Variants in WWC2 observed in about 807,000 individuals in gnomAD.
The protein encoded by WWC2 is protein WWC2.
WWC2 carries 101 observed loss-of-function variants against 138.5 expected under a neutral mutation model. The ratio of observed to expected loss-of-function variants is 0.73; its 90% CI spans 0.62 to 0.86. The LOEUF is 0.86. Among genes scored for constraint, WWC2 ranks in the 40% least tolerant of loss-of-function variants. The probability of loss-of-function intolerance (pLI) is 0.00; values close to 1 mark genes in which losing one functional copy is unlikely to be tolerated. For missense variants in WWC2, 1,420 were observed against 1,419.4 expected (o/e 1.00, Z -0.01); for synonymous variants, 558 against 538.4 (o/e 1.04, Z -0.50).
intron 21 of WWC2, among the ~76,000 whole-genome samples, chr4:183,305,360 C>CT (rs1738991415): frequency 6.6e-6 from 1 of 152,136 alleles, no homozygotes; most frequent in Non-Finnish European, 1.5e-5. Context: ...ATGACTGAGA[C>CT]TTTCTCCAAA....
intron 4 of WWC2, among the ~76,000 whole-genome samples, chr4:183,229,677 A>C (rs1736183833): frequency 6.6e-6 from 1 of 152,072 alleles, no homozygotes; most frequent in African/African-American, 2.4e-5. Flanking sequence ...AGTATCAGGC[A>C]AACCCAAATA....
At chr4:183,203,555 C>G (rs1735360470) in intron 2 of WWC2, 1 of 152,080 alleles carries the variant, frequency 6.6e-6, no homozygotes, top group African/African-American at 2.4e-5. Context: ...CTCTACACCC[C>G]TAAGAAAGGG....
chr4:183,294,066 T>C (rs926850382), intron 21 of WWC2, among the ~76,000 whole-genome samples: 1 of 152,286 alleles, frequency 6.6e-6, no homozygotes, highest in South Asian at 2.1e-4. Context: ...TATTCTAGGC[T>C]CTGGGCCATA....
intron 4 of WWC2, among the ~76,000 whole-genome samples, chr4:183,220,616 C>CTT (rs1735898463): frequency 6.6e-6 from 1 of 151,228 alleles, no homozygotes; most frequent in African/African-American, 2.4e-5. Flanking sequence ...GGGCAGATCA[C>CTT]AAGGTCAGGA....
intron 22 of WWC2, among the ~76,000 whole-genome samples, chr4:183,314,899 C>T (rs1262149923): frequency 6.6e-6 from 1 of 152,204 alleles, no homozygotes; most frequent in Non-Finnish European, 1.5e-5. Flanking sequence ...ACATCCCCAC[C>T]TCAGCTCTGG....
At chr4:183,251,623 G>A (rs1343181549) in intron 8 of WWC2, among the ~76,000 whole-genome samples, 1 of 152,022 alleles carries the variant, frequency 6.6e-6, no homozygotes, top group African/African-American at 2.4e-5. Flanking sequence ...AATAATAAAC[G>A]GGCGCCTCTT....
chr4:183,156,608 A>G (rs1733812661), intron 1 of WWC2, among the ~76,000 whole-genome samples: 1 of 152,318 alleles, frequency 6.6e-6, no homozygotes, highest in East Asian at 1.9e-4. Flanking sequence ...CTGGGATTAC[A>G]GGTGTGAGCC....
intron 14 of WWC2, among the ~76,000 whole-genome samples, chr4:183,268,718 T>C (rs1051287082): frequency 6.6e-6 from 1 of 152,178 alleles, no homozygotes; most frequent in East Asian, 1.9e-4. Flanking sequence ...TTTCCTATCA[T>C]GTGCCTTTGC....
At chr4:183,162,153 A>G (rs189067046) in intron 1 of WWC2, among the ~76,000 whole-genome samples, 28 of 148,810 alleles carry the variant, frequency 1.9e-4, no homozygotes, top group African/African-American at 6.7e-4. Flanking sequence ...TGTAAGTTAT[A>G]CAACAAAGAA....
In WWC2 at chr4:183,245,519, G is replaced by T; in HGVS notation, c.706G>T (p.Glu236Ter). ...KSIRKAISSG[E>*]KEKQDLMQSL... ...TATCAGAAAGGCAATTAGCTCAGGA[G>T]AAAAAGAAAAACAAGATCTGATGCA... The change falls in exon 6 of 23, where the codon GAA (glutamate) becomes TAA (stop). Residue 236 changes from glutamate (E) to a stop codon, truncating the protein, a stop_gained. Transcript: ENST00000403733. LOFTEE classifies it high-confidence loss of function. 1 of 1,597,302 alleles carries T rather than the reference G, an allele frequency of 6.3e-7. No homozygotes were observed. Among genetic ancestry groups the T allele is most frequent in the South Asian group, 1.1e-5 (1 of 88,334 alleles).
At chr4:183,242,959 TTAAAG>T (rs140419350) in intron 5 of WWC2, among the ~76,000 whole-genome samples, 3,067 of 152,234 alleles carry the variant, frequency 0.02, 36 homozygotes, top group Middle Eastern at 0.034. Context: ...AAGGCAGCAC[TTAAAG>T]TAGAGAAGTT....
At position 183,316,929 on chromosome 4, in the gene WWC2, A is replaced by G. The variant is rs1303677687; in HGVS notation, c.*1200A>G. 6.6e-6 allele frequency: 1 copy of G among 152,188 alleles called. No individual in the cohort carries two copies. The highest frequency in any genetic ancestry group is 1.5e-5 in the Non-Finnish European group (1 of 68,050). 9.4% of individuals were successfully genotyped at this position (152,188 alleles called of 1,614,324 possible). A position where few individuals can be genotyped will look rare whatever the true frequency, so the allele number is the denominator to read the frequency against. On this transcript the variant is annotated 3_prime_UTR_variant, in exon 23 of 23. Transcript: ENST00000403733. ...TGAACAAGTTTAGAGAGATAAACTG[A>G]CTAATGTGTCCTCCAGTTTAGAATT...
intron 1 of WWC2, among the ~76,000 whole-genome samples, chr4:183,192,399 G>A (rs763080980): frequency 1.4e-4 from 22 of 152,282 alleles, no homozygotes; most frequent in Non-Finnish European, 2.9e-4. Flanking sequence ...TGTCTGCTGA[G>A]CTGGTTTGGA....
intron 1 of WWC2, among the ~76,000 whole-genome samples, chr4:183,134,321 ATT>A (rs745325810): frequency 2.1e-5 from 3 of 143,510 alleles, no homozygotes; most frequent in Non-Finnish European, 3.1e-5. Context: ...TGATTTTACT[ATT>A]TTTTTTTTTT....
chr4:183,192,286 T>C (rs1470177582), intron 1 of WWC2, among the ~76,000 whole-genome samples: 2 of 152,258 alleles, frequency 1.3e-5, no homozygotes, highest in Non-Finnish European at 2.9e-5. Flanking sequence ...CGTGAGGTTA[T>C]ACTCACTACT....
chr4:183,248,919 A>G (rs1736884788), intron 7 of WWC2, 59 bp downstream of exon 7: 1 of 1,427,276 alleles, frequency 7.0e-7, no homozygotes, highest in East Asian at 2.5e-5. Context: ...CTTAATTGCA[A>G]TATGGATGGT....
At chr4:183,216,027 G>C (rs1409065715) in intron 4 of WWC2, among the ~76,000 whole-genome samples, 1 of 152,182 alleles carries the variant, frequency 6.6e-6, no homozygotes, top group Non-Finnish European at 1.5e-5. Context: ...TTTGTGGAAT[G>C]TTATGAGATA....
intron 16 of WWC2, among the ~76,000 whole-genome samples, chr4:183,279,223 A>G (rs1007795384): frequency 2.6e-4 from 40 of 152,114 alleles, no homozygotes; most frequent in African/African-American, 7.5e-4. Flanking sequence ...TTCTGCATCT[A>G]TTGAGATAAT....
chr4:183,270,366 G>A (rs1346972153), intron 15 of WWC2, among the ~76,000 whole-genome samples: 1 of 152,064 alleles, frequency 6.6e-6, no homozygotes, highest in African/African-American at 2.4e-5. Flanking sequence ...AAAGAAAACT[G>A]TTGCTTTTTG....
Sources: gnomAD v4.1 joint callset for allele counts (sites outside exome capture counted in the v4.1 genomes callset) on GRCh38, gnomAD v4.1.1 for gene constraint, MANE v1.5 for transcripts, NCBI Gene and HGNC (gene_info 2026-07-23, HGNC 2026-07-21) for gene names.